The following POT1 variants were observed in gnomAD, a reference collection of about 807,000 sequenced individuals.
POT1 encodes the protein protection of telomeres protein 1.
POT1 carries 47 observed loss-of-function variants against 78.5 expected under a neutral mutation model. The observed-to-expected ratio is 0.60, with a 90% CI of 0.47 to 0.76. POT1 has a LOEUF of 0.76. Among genes scored for constraint, POT1 ranks in the 30% least tolerant of loss-of-function variants. POT1 has a pLI of 0.00. For synonymous variants in POT1, 259 were observed against 260.7 expected (o/e 0.99, Z 0.06); for missense variants, 646 against 749.9 (o/e 0.86, Z 1.62).
At chr7:124,878,646 C>T (rs1796046579) in intron 6 of POT1, among the ~76,000 whole-genome samples, 1 of 151,722 alleles carries the variant, frequency 6.6e-6, no homozygotes, top group Non-Finnish European at 1.5e-5. Flanking sequence ...ATAAATAATC[C>T]CATACACAAC....
intron 2 of POT1, among the ~76,000 whole-genome samples, chr7:124,923,155 C>T (rs1432214390): frequency 6.6e-6 from 1 of 151,048 alleles, no homozygotes; most frequent in East Asian, 1.9e-4. Flanking sequence ...AATTATCTAG[C>T]AATATATATC....
In POT1 at chr7:124,863,535, T is replaced by C; in HGVS notation, c.361A>G (p.Lys121Glu). ...TCCTCAGTAGTGAAGTTAAAATACT[T>C]GCTTGAAGTGCGAGGTATGATAGGG... ...GAPIIPRTSS[K>E]YFNFTTEDHK... The change falls in exon 8 of 19, where the codon AAG becomes GAG. Residue 121 changes from lysine (K) to glutamate (E), a missense_variant. Physicochemically the swap from Lys to Glu is moderately conservative, Grantham distance 56. Coordinates refer to ENST00000357628, the MANE Select transcript of POT1 (RefSeq NM_015450.3). The C allele has an allele frequency of 6.2e-7, 1 of 1,613,948 alleles. No individual in the cohort carries two copies. The highest frequency in any genetic ancestry group is 8.5e-7 in the Non-Finnish European group (1 of 1,179,872).
At chr7:124,870,290 A>G (rs1260861003) in intron 7 of POT1, among the ~76,000 whole-genome samples, 1 of 152,140 alleles carries the variant, frequency 6.6e-6, no homozygotes, top group Non-Finnish European at 1.5e-5. Flanking sequence ...TTTTGAGAAA[A>G]TAATAATCCT....
chr7:124,904,045 G>A (rs957102048), intron 3 of POT1, among the ~76,000 whole-genome samples: 5 of 152,110 alleles, frequency 3.3e-5, no homozygotes, highest in Admixed American at 2.6e-4. Context: ...ACCAAAAAAA[G>A]TCCAGGACCA....
Position 124,838,359 on chromosome 7 carries a change from A to G in POT1, c.1369+2614T>C, listed in dbSNP as rs542719319. ...AAAAAAATCAATTGCTTCCCTATACATAAGCAATAAATAATCAAAGTTTGA... is the reference window on the plus strand; with the variant it reads ...AAAAAAATCAATTGCTTCCCTATACGTAAGCAATAAATAATCAAAGTTTGA... On this transcript the variant is annotated intron_variant, in intron 14 of 18. Transcript: ENST00000357628. 2.0e-5 allele frequency among the ~76,000 whole-genome samples: 3 copies of G among 152,326 alleles called. No individual in the cohort carries two copies. The South Asian group carries it at 6.2e-4, about 32-fold the overall frequency.
chr7:124,832,693 C>T (rs1794795840), intron 15 of POT1, among the ~76,000 whole-genome samples: 2 of 151,872 alleles, frequency 1.3e-5, no homozygotes, highest in Non-Finnish European at 2.9e-5. Flanking sequence ...TGGTGCATGC[C>T]TGTAGTCCCA....
chr7:124,840,941 A>C (rs374450814), intron 14 of POT1, 32 bp downstream of exon 14: 1 of 1,504,174 alleles, frequency 6.6e-7, no homozygotes, highest in Admixed American at 1.7e-5. Context: ...CAAAAGGAGT[A>C]TTCTAACAAA....
chr7:124,862,492 G>A (rs756011203), intron 8 of POT1, among the ~76,000 whole-genome samples: 1 of 152,126 alleles, frequency 6.6e-6, no homozygotes, highest in Non-Finnish European at 1.5e-5. Context: ...TGCAGGGCAT[G>A]TATTTACGAC....
At chr7:124,851,817 T>C (rs777038493) in intron 11 of POT1, 55 bp downstream of exon 11, 24 of 1,203,606 alleles carry the variant, frequency 2.0e-5, no homozygotes, top group Non-Finnish European at 3.0e-5. Context: ...ATTATGTTGA[T>C]AAAACTATTT....
chr7:124,840,968 C>T lies in POT1; in HGVS notation c.1369+5G>A, dbSNP rs1297963302. 3 of 1,582,714 alleles carry T rather than the reference C, an allele frequency of 1.9e-6. No homozygotes were observed. In the African/African-American group the frequency reaches 4.0e-5, roughly 21 times the overall value. On this transcript the variant is annotated splice_donor_5th_base_variant and intron_variant, in intron 14 of 18. Coordinates refer to ENST00000357628, the MANE Select transcript of POT1 (RefSeq NM_015450.3). ...TCTAACAAAACAGTGACTTAAATAT[C>T]TTACCTTCTATCAAAAGTAGACATT...
intron 6 of POT1, among the ~76,000 whole-genome samples, chr7:124,876,266 T>C (rs1328514914): frequency 1.3e-5 from 2 of 152,246 alleles, no homozygotes; most frequent in Non-Finnish European, 2.9e-5. Context: ...TTATAATCTT[T>C]AATGACTTTA....
chr7:124,864,921 T>C (rs1420570712), intron 7 of POT1, among the ~76,000 whole-genome samples: 1 of 152,212 alleles, frequency 6.6e-6, no homozygotes, highest in Non-Finnish European at 1.5e-5. Context: ...TTGTCACTTC[T>C]TAACTATCCA....
At chr7:124,901,430 G>A (rs1188477952) in intron 3 of POT1, among the ~76,000 whole-genome samples, 5 of 152,280 alleles carry the variant, frequency 3.3e-5, no homozygotes, top group South Asian at 4.1e-4. Context: ...ACCTGCAGCC[G>A]AGGGTCCTGA....
Position 124,834,891 on chromosome 7 carries a change from G to A in POT1, c.1505+388C>T, listed in dbSNP as rs965796376. On this transcript the variant is annotated intron_variant, in intron 15 of 18. Transcript: ENST00000357628. ...TGGATTAAGAAAATGTGGCACATAC[G>A]CACCATGGAATACTATGCAGCCAAA... is the stretch of plus-strand genomic sequence containing the variant. 5.9e-5 allele frequency among the ~76,000 whole-genome samples: 9 copies of A among 152,086 alleles called. No individual in the cohort carries two copies. The South Asian group carries it at 8.3e-4, about 14-fold the overall frequency.
chr7:124,853,062 C>G lies in POT1; in HGVS notation c.779G>C (p.Ser260Thr), dbSNP rs1323715274. ...SMNSENQTML[S>T]LEFHLHGGTS... is the part of the protein sequence containing the mutation. ...ACCTCCATGAAGATGAAACTCTAAA[C>G]TTAACATTGTCTGATTCTCTGAATT... The change falls in exon 10 of 19, where the codon AGT becomes ACT. Residue 260 changes from serine (S) to threonine (T), a missense_variant. Ser to Thr is a moderately conservative substitution (Grantham distance 58). Coordinates refer to ENST00000357628, the MANE Select transcript of POT1 (RefSeq NM_015450.3). The G allele has an allele frequency of 3.1e-6, 5 of 1,610,964 alleles. No homozygotes were observed. Among genetic ancestry groups the G allele is most frequent in the Non-Finnish European group, 4.2e-6 (5 of 1,177,382 alleles).
chr7:124,906,972 A>G (rs1192125655), intron 3 of POT1, among the ~76,000 whole-genome samples: 1 of 152,150 alleles, frequency 6.6e-6, no homozygotes, highest in Non-Finnish European at 1.5e-5. Flanking sequence ...GCTTCTGAGA[A>G]GAGCATACTG....
Position 124,853,151 on chromosome 7 carries a change from T to A in POT1, c.703-13A>T, listed in dbSNP as rs368344336. On this transcript the variant is annotated splice_polypyrimidine_tract_variant and intron_variant, in intron 9 of 18. Coordinates refer to ENST00000357628, the MANE Select transcript of POT1 (RefSeq NM_015450.3). ...GAAAGCTTCCAACCTAAAAAATAGA[T>A]CATTTGTTATTTAGAAAGTGGGGAA... 1.3e-6 allele frequency: 2 copies of A among 1,535,360 alleles called. No homozygotes were observed. Among genetic ancestry groups the A allele is most frequent in the Non-Finnish European group, 8.9e-7 (1 of 1,127,214 alleles).
intron 5 of POT1, among the ~76,000 whole-genome samples, chr7:124,893,327 G>T (rs1250103167): frequency 3.3e-5 from 5 of 151,308 alleles, no homozygotes; most frequent in Non-Finnish European, 7.4e-5. Context: ...ACTCAAGCCA[G>T]GTTTTGAGTC....
chr7:124,923,325 A>T (rs1017980478), intron 2 of POT1, among the ~76,000 whole-genome samples: 5 of 151,876 alleles, frequency 3.3e-5, no homozygotes, highest in African/African-American at 7.2e-5. Context: ...AGACATCTTT[A>T]AAAAAAGAAA....
Sources: allele counts gnomAD v4.1 joint callset (sites outside exome capture counted in the v4.1 genomes callset), GRCh38; gene constraint gnomAD v4.1.1; transcripts MANE v1.5; gene names NCBI Gene and HGNC (gene_info 2026-07-23, HGNC 2026-07-21).